C8orf34: variants seen among roughly 807,000 people sequenced by gnomAD.
C8orf34 encodes uncharacterized protein C8orf34.
C8orf34 carries 65 observed loss-of-function variants against 68.3 expected under a neutral mutation model. That is an observed-to-expected ratio of 0.95 (90% CI 0.78 to 1.17). C8orf34 has a LOEUF of 1.17. Ranked by LOEUF, C8orf34 falls within the 50% of genes most tolerant of loss-of-function variation. C8orf34 has a pLI of 0.00. For missense variants in C8orf34, 664 were observed against 655.4 expected, an observed-to-expected ratio of 1.01 and a Z score of -0.14; for synonymous variants, 244 against 241.2, an observed-to-expected ratio of 1.01 and a Z score of -0.11.
intron 8 of C8orf34, chr8:68,695,719 A>G (rs1014979420): frequency 1.3e-5 from 2 of 152,046 alleles, no homozygotes; most frequent in African/African-American, 4.8e-5. Flanking sequence ...CCTGTTTAGT[A>G]CTTGGATGGG....
intron 5 of C8orf34, among the ~76,000 whole-genome samples, chr8:68,516,222 G>A (rs75736910): frequency 0.037 from 5,658 of 152,274 alleles, 355 homozygotes; most frequent in African/African-American, 0.13. Flanking sequence ...TTGGTTAGAC[G>A]TAGAGATACT....
chr8:68,748,572 C>T (rs190439325), intron 10 of C8orf34, among the ~76,000 whole-genome samples: 1,983 of 152,194 alleles, frequency 0.013, 37 homozygotes, highest in African/African-American at 0.045. Flanking sequence ...AAGAAGTAGG[C>T]GAAGGACATG....
chr8:68,744,518 C>G (rs1467373348), intron 10 of C8orf34, among the ~76,000 whole-genome samples: 1 of 151,340 alleles, frequency 6.6e-6, no homozygotes, highest in African/African-American at 2.4e-5. Context: ...ACTAGAATAA[C>G]CAATACAGAG....
chr8:68,661,194 C>T (rs569841034), intron 8 of C8orf34, among the ~76,000 whole-genome samples: 1 of 152,330 alleles, frequency 6.6e-6, no homozygotes, highest in Admixed American at 6.5e-5. Context: ...GCAGCATGCA[C>T]ATGTAGCAGA....
chr8:68,815,950 G>A lies in C8orf34; in HGVS notation c.1609+5G>A, dbSNP rs967599157. 3.7e-6 allele frequency: 6 copies of A among 1,613,706 alleles called. No homozygotes were observed. Among genetic ancestry groups the A allele is most frequent in the Admixed American group, 1.7e-5 (1 of 59,998 alleles). ...GTCCTACGCTGGTCTACTCTGGTAT[G>A]TTTGCTCAGGGCACTTAATATCGAT... On this transcript the variant is annotated splice_donor_5th_base_variant and intron_variant, in intron 13 of 13. Coordinates refer to ENST00000518698, the MANE Select transcript of C8orf34 (RefSeq NM_052958.4).
rs531088190 is a variant in C8orf34, at chr8:68,729,699, C to A, written c.1404+8262C>A. On this transcript the variant is annotated intron_variant, in intron 10 of 13. Transcript: ENST00000518698. ...GACAGGAAGCATAAAAAATTGTACT[C>A]ATATAATTCTTGTATAAAACATGGG... Among the ~76,000 whole-genome samples the A allele has an allele frequency of 4.6e-4, 70 of 152,236 alleles. 1 individual carries two copies. Among genetic ancestry groups the A allele is most frequent in the African/African-American group, 1.7e-3 (69 of 41,562 alleles).
At chr8:68,570,689 G>A (rs1488219447) in intron 7 of C8orf34, among the ~76,000 whole-genome samples, 1 of 152,180 alleles carries the variant, frequency 6.6e-6, no homozygotes, top group Non-Finnish European at 1.5e-5. Context: ...CTCAAAGGGT[G>A]TTCCAGAACC....
chr8:68,602,455 A>T (rs1322922569), intron 7 of C8orf34, among the ~76,000 whole-genome samples: 1 of 152,136 alleles, frequency 6.6e-6, no homozygotes. Flanking sequence ...GAGAAATGAG[A>T]GCTGAGTGAA....
intron 10 of C8orf34, among the ~76,000 whole-genome samples, chr8:68,771,788 A>G (rs1285596238): frequency 1.3e-5 from 2 of 152,204 alleles, no homozygotes; most frequent in Non-Finnish European, 1.5e-5. Context: ...TTTAAAAAAA[A>G]ATGAAAGACT....
intron 1 of C8orf34, among the ~76,000 whole-genome samples, chr8:68,404,447 C>G (rs894780144): frequency 6.6e-6 from 1 of 152,142 alleles, no homozygotes; most frequent in Non-Finnish European, 1.5e-5. Flanking sequence ...GAAGTCCTTG[C>G]CCATGCCTAT....
chr8:68,382,903 T>C (rs969245961), intron 1 of C8orf34, among the ~76,000 whole-genome samples: 1 of 152,188 alleles, frequency 6.6e-6, no homozygotes, highest in African/African-American at 2.4e-5. Flanking sequence ...CTACTTTGCA[T>C]CCGTGCACTG....
intron 1 of C8orf34, among the ~76,000 whole-genome samples, chr8:68,370,729 A>C (rs902819612): frequency 4.6e-5 from 7 of 152,112 alleles, no homozygotes; most frequent in African/African-American, 1.4e-4. Context: ...AACACAGCAA[A>C]CTGTTAGTAC....
chr8:68,571,504 C>T (rs934233119), intron 7 of C8orf34, among the ~76,000 whole-genome samples: 9 of 152,138 alleles, frequency 5.9e-5, no homozygotes, highest in African/African-American at 2.2e-4. Flanking sequence ...TGAGAACCCA[C>T]AGTCTGTAAG....
At chr8:68,496,996 A>C (rs1261144088) in intron 5 of C8orf34, among the ~76,000 whole-genome samples, 1 of 152,204 alleles carries the variant, frequency 6.6e-6, no homozygotes, top group Non-Finnish European at 1.5e-5. Context: ...AAAGATAGCC[A>C]TGTAAACTTC....
intron 7 of C8orf34, among the ~76,000 whole-genome samples, chr8:68,611,406 A>C (rs1193676619): frequency 1.3e-5 from 2 of 152,156 alleles, no homozygotes; most frequent in Non-Finnish European, 2.9e-5. Flanking sequence ...GCTTGGGTAA[A>C]ATACTTTGAT....
chr8:68,379,547 T>C (rs973955513), intron 1 of C8orf34, among the ~76,000 whole-genome samples: 1 of 152,372 alleles, frequency 6.6e-6, no homozygotes, highest in South Asian at 2.1e-4. Context: ...TTTTTCTTTC[T>C]GACTTGGTTC....
At chr8:68,599,570 C>A (rs1302919749) in intron 7 of C8orf34, among the ~76,000 whole-genome samples, 1 of 151,904 alleles carries the variant, frequency 6.6e-6, no homozygotes, top group Non-Finnish European at 1.5e-5. Context: ...AAAGGAAAGT[C>A]TGTTAAATAA....
intron 8 of C8orf34, among the ~76,000 whole-genome samples, chr8:68,677,563 C>T (rs747991101): frequency 6.6e-6 from 1 of 151,348 alleles, no homozygotes; most frequent in African/African-American, 2.4e-5. Flanking sequence ...CATCATTTTG[C>T]CTAGGCTGGT....
chr8:68,797,033 G>T (rs1161785633), intron 12 of C8orf34, among the ~76,000 whole-genome samples: 1 of 151,988 alleles, frequency 6.6e-6, no homozygotes, highest in Non-Finnish European at 1.5e-5. Flanking sequence ...CACCATGTTG[G>T]TCAGGCTGGC....
Sources: gnomAD v4.1 joint callset for allele counts (sites outside exome capture counted in the v4.1 genomes callset) on GRCh38, gnomAD v4.1.1 for gene constraint, MANE v1.5 for transcripts, NCBI Gene and HGNC (gene_info 2026-07-23, HGNC 2026-07-21) for gene names.